The following PDE3A variants were observed in gnomAD, a reference collection of about 807,000 sequenced individuals.
PDE3A encodes the protein cGMP-inhibited 3',5'-cyclic phosphodiesterase 3A.
A neutral mutation model predicts 98.3 loss-of-function variants in PDE3A; 43 were observed. The observed-to-expected ratio is 0.44, with a 90% confidence interval of 0.34 to 0.56. The LOEUF (loss-of-function observed/expected upper bound fraction) is 0.56, where lower values mean the gene tolerates loss of function less well. Among genes scored for constraint, PDE3A ranks in the 20% least tolerant of loss-of-function variants. The probability of loss-of-function intolerance (pLI) is 0.01; values close to 1 mark genes in which losing one functional copy is unlikely to be tolerated. For synonymous variants in PDE3A, 663 were observed against 567.9 expected (o/e 1.17, Z -2.38); for missense variants, 1,427 against 1,440.7 (o/e 0.99, Z 0.15).
intron 6 of PDE3A, among the ~76,000 whole-genome samples, chr12:20,632,024 T>C (rs931115991): frequency 2.0e-5 from 3 of 152,184 alleles, no homozygotes; most frequent in African/African-American, 7.2e-5. Context: ...CAAGCTATTT[T>C]TCTGGCATGA....
intron 8 of PDE3A, among the ~76,000 whole-genome samples, 155 bp downstream of exon 8, chr12:20,635,211 G>C (rs994180887): frequency 6.6e-6 from 1 of 152,094 alleles, no homozygotes; most frequent in African/African-American, 2.4e-5. Flanking sequence ...ACGAGGTCAG[G>C]AGTTCGAGAC....
intron 1 of PDE3A, among the ~76,000 whole-genome samples, chr12:20,441,140 A>C (rs1434476150): frequency 6.6e-6 from 1 of 152,230 alleles, no homozygotes; most frequent in African/African-American, 2.4e-5. Flanking sequence ...GGAAAATAGA[A>C]CATAATTGAG....
chr12:20,665,959 C>CTTTTTTTTTT (rs35859257), intron 15 of PDE3A, among the ~76,000 whole-genome samples: 3 of 94,990 alleles, frequency 3.2e-5, no homozygotes, highest in East Asian at 3.1e-4. Flanking sequence ...TTTGTCATTT[C>CTTTTTTTTTT]TTTTTTTTTT....
At chr12:20,500,541 T>A (rs1175463084) in intron 1 of PDE3A, among the ~76,000 whole-genome samples, 1 of 152,172 alleles carries the variant, frequency 6.6e-6, no homozygotes, top group African/African-American at 2.4e-5. Context: ...TTCTTCCATG[T>A]GATATCCTTT....
chr12:20,677,130 A>T (rs573017509), intron 15 of PDE3A, among the ~76,000 whole-genome samples: 1 of 152,042 alleles, frequency 6.6e-6, no homozygotes, highest in South Asian at 2.1e-4. Flanking sequence ...TATTGTTAAA[A>T]CTTTTGAATG....
chr12:20,603,718 CA>C (rs1943648527), intron 2 of PDE3A, among the ~76,000 whole-genome samples: 1 of 152,240 alleles, frequency 6.6e-6, no homozygotes, highest in African/African-American at 2.4e-5. Context: ...GTTTCACCAA[CA>C]ATAATGATAA....
Position 20,621,725 on chromosome 12 carries a change from C to A in PDE3A, c.1540+314C>A, listed in dbSNP as rs192920225. On this transcript the variant is annotated intron_variant, in intron 5 of 15. Coordinates refer to ENST00000359062, the MANE Select transcript of PDE3A (RefSeq NM_000921.5). ...TAGCATCATCTCATAATAGAAATTC[C>A]AATTTTTTAGTGTCTGTTAAAATTA... is the stretch of plus-strand genomic sequence containing the variant. Among the ~76,000 whole-genome samples the A allele has an allele frequency of 1.4e-3, 208 of 152,068 alleles. 1 individual carries two copies. The highest frequency in any genetic ancestry group is 1.7e-3 in the Admixed American group (26 of 15,242).
intron 1 of PDE3A, among the ~76,000 whole-genome samples, chr12:20,410,709 C>T (rs1444628): frequency 0.6 from 91,000 of 151,970 alleles, 29,700 homozygotes; most frequent in East Asian, 0.88. Flanking sequence ...TTTTAAAAGA[C>T]GCTGTTCATT....
At chr12:20,514,982 A>G (rs1045992702) in intron 1 of PDE3A, among the ~76,000 whole-genome samples, 2 of 152,216 alleles carry the variant, frequency 1.3e-5, no homozygotes, top group African/African-American at 4.8e-5. Flanking sequence ...TTATGATATC[A>G]GTATCTGACA....
At chr12:20,429,111 A>G (rs946944197) in intron 1 of PDE3A, among the ~76,000 whole-genome samples, 6 of 152,368 alleles carry the variant, frequency 3.9e-5, no homozygotes, top group Middle Eastern at 3.4e-3. Flanking sequence ...CAAAAAATGC[A>G]TAAAACAGAA....
intron 15 of PDE3A, among the ~76,000 whole-genome samples, chr12:20,655,976 T>G (rs977836456): frequency 2.0e-5 from 3 of 152,328 alleles, no homozygotes; most frequent in African/African-American, 7.2e-5. Context: ...CCTATTTAGC[T>G]TAATTGACTA....
At chr12:20,435,198 T>C in intron 1 of PDE3A, among the ~76,000 whole-genome samples, 1 of 152,228 alleles carries the variant, frequency 6.6e-6, no homozygotes. Flanking sequence ...GCATTCCTTG[T>C]TACTGTAGAG....
At chr12:20,454,239 A>G (rs992550031) in intron 1 of PDE3A, among the ~76,000 whole-genome samples, 4 of 152,114 alleles carry the variant, frequency 2.6e-5, no homozygotes, top group African/African-American at 9.7e-5. Context: ...TCTGCCTGGA[A>G]TGTACTTTTT....
Position 20,629,845 on chromosome 12 carries a change from A to G in PDE3A, c.1541-63A>G, listed in dbSNP as rs925379414. ...GTTTGTAAGAGTCCAGGTGAAGTTCAACAGTTGCAATTTTGCATTTTAAAG... is the reference window on the plus strand; with the variant it reads ...GTTTGTAAGAGTCCAGGTGAAGTTCGACAGTTGCAATTTTGCATTTTAAAG... On this transcript the variant is annotated intron_variant, in intron 5 of 15. Transcript: ENST00000359062. 3.2e-6 allele frequency: 4 copies of G among 1,266,286 alleles called. No individual in the cohort carries two copies. The African/African-American group carries it at 5.9e-5, about 19-fold the overall frequency. 78.4% of individuals were successfully genotyped at this position (1,266,286 alleles called of 1,614,324 possible).
chr12:20,369,556 A>G lies in PDE3A; in HGVS notation c.272A>G (p.Gln91Arg). 1.3e-6 allele frequency: 2 copies of G among 1,555,596 alleles called. No homozygotes were observed. Among genetic ancestry groups the G allele is most frequent in the Non-Finnish European group, 1.7e-6 (2 of 1,150,728 alleles). ...VRGEVGCDLEQCKEAAAAEEE... is the reference protein window; with the variant it reads ...VRGEVGCDLERCKEAAAAEEE... ...GGGGAGGTCGGCTGTGACCTGGAGC[A>G]GTGTAAGGAGGCGGCGGCGGCGGAG... Residue 91 changes from glutamine (Q) to arginine (R), a missense_variant, in exon 1 of 16, where the codon CAG becomes CGG. By Grantham distance (43) the Gln-to-Arg change is conservative (BLOSUM62 1). This residue lies in a region of PDE3A where 1,012 missense variants were observed against 886.5 expected (regional missense o/e 1.14). Coordinates refer to ENST00000359062, the MANE Select transcript of PDE3A (RefSeq NM_000921.5).
chr12:20,449,919 T>A, intron 1 of PDE3A: 1 of 803,812 alleles, frequency 1.2e-6, no homozygotes, highest in Non-Finnish European at 2.0e-6. Context: ...ATGGGAACTC[T>A]GCTGGAAAGT....
chr12:20,386,168 T>C (rs1591870904), intron 1 of PDE3A, among the ~76,000 whole-genome samples: 1 of 97,736 alleles, frequency 1.0e-5, no homozygotes, highest in African/African-American at 4.1e-5. Flanking sequence ...TATATAAATA[T>C]ATAAAAATAT....
chr12:20,602,414 C>G (rs1943613601), intron 2 of PDE3A, among the ~76,000 whole-genome samples: 1 of 152,166 alleles, frequency 6.6e-6, no homozygotes, highest in Non-Finnish European at 1.5e-5. Flanking sequence ...TCGCTAGTGT[C>G]TGGAAAGTAG....
At chr12:20,611,837 G>T (rs893097911) in intron 2 of PDE3A, among the ~76,000 whole-genome samples, 2 of 150,738 alleles carry the variant, frequency 1.3e-5, no homozygotes, top group South Asian at 4.2e-4. Context: ...AATAATTTAT[G>T]AATCTACCCA....
Sources: gnomAD v4.1 joint callset for allele counts (sites outside exome capture counted in the v4.1 genomes callset) on GRCh38, gnomAD v4.1.1 for gene constraint, gnomAD v4.1.1 regional missense constraint, MANE v1.5 for transcripts, NCBI Gene and HGNC (gene_info 2026-07-23, HGNC 2026-07-21) for gene names.